Variants in ITGAM observed in about 807,000 individuals in gnomAD.
The protein encoded by ITGAM is integrin subunit alpha M.
Under a neutral mutation model 137.5 loss-of-function variants are expected in ITGAM, and 79 were observed. The observed-to-expected ratio is 0.57, with a 90% confidence interval of 0.48 to 0.69. The LOEUF (loss-of-function observed/expected upper bound fraction) is 0.69, where lower values mean the gene tolerates loss of function less well. ITGAM is among the 30% of genes least tolerant of loss of function. The probability of loss-of-function intolerance (pLI) is 0.00; values close to 1 mark genes in which losing one functional copy is unlikely to be tolerated. For missense variants in ITGAM, 1,343 were observed against 1,483.5 expected (o/e 0.91, Z 1.56); for synonymous variants, 583 against 592.3 (o/e 0.98, Z 0.23).
chr16:31,288,629 A>T (rs2080053709), intron 12 of ITGAM, among the ~76,000 whole-genome samples: 1 of 152,226 alleles, frequency 6.6e-6, no homozygotes, highest in Admixed American at 6.5e-5. Context: ...AAAAGCTTAT[A>T]TGTTAGACCT....
At chr16:31,283,580 A>G (rs971436645) in intron 12 of ITGAM, among the ~76,000 whole-genome samples, 6 of 152,124 alleles carry the variant, frequency 3.9e-5, no homozygotes, top group Non-Finnish European at 8.8e-5. Flanking sequence ...CAGGTCATTT[A>G]AGGTCTTCTC....
At chr16:31,303,015 T>C (rs751834468) in intron 14 of ITGAM, among the ~76,000 whole-genome samples, 15 of 143,852 alleles carry the variant, frequency 1.0e-4, no homozygotes, top group Non-Finnish European at 2.1e-4. Flanking sequence ...TCTCTCTTTC[T>C]TTCTCTCTGT....
At chr16:31,321,749 T>C in intron 16 of ITGAM, 122 bp downstream of exon 16, 1 of 998,376 alleles carries the variant, frequency 1.0e-6, no homozygotes, top group South Asian at 1.6e-5. Context: ...CTGACAACCT[T>C]CTCCAAGCCT....
rs1179355370 is a variant in ITGAM, at chr16:31,302,401, T to TTTCTTTC, written c.1707+4449_1707+4450insCTTTCTT. Among the ~76,000 whole-genome samples the TTTCTTTC allele has an allele frequency of 7.0e-3, 966 of 137,432 alleles. 14 individuals are homozygous for TTTCTTTC. Among genetic ancestry groups the TTTCTTTC allele is most frequent in the African/African-American group, 0.016 (529 of 33,990 alleles). The allele number at this position is 137,432 out of a possible 152,430, so 90.2% of individuals were successfully genotyped here. On this transcript the variant is annotated intron_variant, in intron 14 of 29. Transcript: ENST00000544665. ...TTCTTTTCTTTTCTTTTTTCTTTTC[T>TTTCTTTC]TTTCTTTTTTCTTTCTTTCTTTCTT...
At chr16:31,322,005 C>T (rs991342451) in intron 16 of ITGAM, among the ~76,000 whole-genome samples, 4 of 152,238 alleles carry the variant, frequency 2.6e-5, no homozygotes, top group African/African-American at 9.6e-5. Context: ...CCAGTGACTT[C>T]TTCCCTTGTT....
Position 31,324,688 on chromosome 16 carries a change from GC to G in ITGAM, c.2197del (p.Leu733Ter). 1 of 1,602,396 alleles carries G rather than the reference GC, an allele frequency of 6.2e-7. No homozygotes were observed. The highest frequency in any genetic ancestry group is 8.5e-7 in the Non-Finnish European group (1 of 1,175,080). ...GACCCAGTGAGCCCCATTGTGCTGC[GC>G]CTGAACTTCTCTCTGGTGGGAACGC... is the stretch of plus-strand genomic sequence containing the variant. ...IEDPVSPIVL[R>X]LNFSLVGTPL... On this transcript the variant is annotated frameshift_variant, in exon 18 of 30. Coordinates refer to ENST00000544665, the MANE Select transcript of ITGAM (RefSeq NM_000632.4). LOFTEE classifies it high-confidence loss of function. This position sits in a 1 kb window ranked among gnomAD's most constrained non-coding sequence, Gnocchi z 4.5.
chr16:31,282,148 C>T (rs912636857), intron 12 of ITGAM, among the ~76,000 whole-genome samples: 2 of 152,098 alleles, frequency 1.3e-5, no homozygotes, highest in Non-Finnish European at 2.9e-5. Context: ...ACTATGTGGT[C>T]AATTTTGTAA....
At position 31,273,468 on chromosome 16, in the gene ITGAM, G is replaced by A. The variant is rs2144297485; in HGVS notation, c.808G>A (p.Asp270Asn). 1 of 1,613,814 alleles carries A rather than the reference G, an allele frequency of 6.2e-7. No homozygotes were observed. The highest frequency in any genetic ancestry group is 8.5e-7 in the Non-Finnish European group (1 of 1,179,788). The change falls in exon 8 of 30, where the codon GAT becomes AAT. Residue 270 changes from aspartate to asparagine, a missense_variant. By Grantham distance (23) the Asp-to-Asn change is conservative. Transcript: ENST00000544665. Reference sequence around the variant, plus strand: ...GTTTGGCGATCCCTTGGGATATGAGGATGTCATCCCTGAGGCAGACAGAGA... The same window carrying A: ...GTTTGGCGATCCCTTGGGATATGAGAATGTCATCCCTGAGGCAGACAGAGA... Reference protein sequence around the residue: ...EKFGDPLGYEDVIPEADREGV... With the variant: ...EKFGDPLGYENVIPEADREGV...
At chr16:31,319,176 G>A (rs1036609332) in intron 14 of ITGAM, among the ~76,000 whole-genome samples, 6 of 151,768 alleles carry the variant, frequency 4.0e-5, no homozygotes, top group Admixed American at 3.3e-4. Context: ...TGTATATTCT[G>A]CAGTAGTTGG....
At chr16:31,328,015 G>T in intron 22 of ITGAM, 132 bp from the exon 23 acceptor site, 2 of 720,674 alleles carry the variant, frequency 2.8e-6, no homozygotes, top group East Asian at 2.6e-5. Context: ...AGGGGTTGGA[G>T]AACAGTGGGG....
chr16:31,291,880 T>C (rs9940397), intron 12 of ITGAM, among the ~76,000 whole-genome samples: 21,585 of 151,908 alleles, frequency 0.14, 1,701 homozygotes, highest in South Asian at 0.2. Context: ...GGTAGCACAG[T>C]AGGGTGACTA....
intron 5 of ITGAM, among the ~76,000 whole-genome samples, chr16:31,270,167 C>CCTTTCCTTTCCTT (rs2079816528): frequency 7.7e-5 from 3 of 38,844 alleles, no homozygotes; most frequent in African/African-American, 2.1e-4. Context: ...CCTTTCCTTT[C>CCTTTCCTTTCCTT]CTTTCCTTTC....
At chr16:31,310,013 G>C (rs2080308093) in intron 14 of ITGAM, among the ~76,000 whole-genome samples, 1 of 150,946 alleles carries the variant, frequency 6.6e-6, no homozygotes, top group South Asian at 2.1e-4. Context: ...AGTTTCTGCT[G>C]AGAGAGAAAG....
chr16:31,317,831 A>AT (rs2080408029), intron 14 of ITGAM, among the ~76,000 whole-genome samples: 1 of 151,960 alleles, frequency 6.6e-6, no homozygotes, highest in African/African-American at 2.4e-5. Context: ...TTTATTTAGG[A>AT]TTTTGGATCT....
Position 31,325,562 on chromosome 16 carries a change from TGG to T in ITGAM, c.2571_2572del (p.Ala858LeufsTer22), listed in dbSNP as rs1332194450. On this transcript the variant is annotated frameshift_variant, in exon 21 of 30. Coordinates refer to ENST00000544665, the MANE Select transcript of ITGAM (RefSeq NM_000632.4). LOFTEE classifies it high-confidence loss of function. ...CESASSTEVS[G>X]ALKSTSCSIN... Reference sequence around the variant, plus strand: ...AGTCTGCCTCCTCCACCGAAGTGTCTGGGGCCTTGAAGAGCACCAGCTGCAGC... The same window carrying T: ...AGTCTGCCTCCTCCACCGAAGTGTCTGGCCTTGAAGAGCACCAGCTGCAGC... The T allele has an allele frequency of 3.1e-6, 5 of 1,613,964 alleles. No individual in the cohort carries two copies. Among genetic ancestry groups the T allele is most frequent in the Non-Finnish European group, 4.2e-6 (5 of 1,179,882 alleles).
intron 5 of ITGAM, among the ~76,000 whole-genome samples, chr16:31,267,721 C>T (rs1164728813): frequency 6.6e-6 from 1 of 151,964 alleles, no homozygotes; most frequent in Non-Finnish European, 1.5e-5. Flanking sequence ...GGCACAATCT[C>T]GGCTCACTGC....
At chr16:31,276,875 GT>G in intron 10 of ITGAM, 44 bp from the exon 11 acceptor site, 1 of 1,597,404 alleles carries the variant, frequency 6.3e-7, no homozygotes, top group Non-Finnish European at 8.5e-7. Context: ...GGCAGCGGTT[GT>G]CCCTTCTTCC....
In ITGAM at chr16:31,271,916, A is replaced by G. The variant is rs773912072; in HGVS notation, c.628A>G (p.Asn210Asp). Reference protein sequence around the residue: ...FTFKEFQNNPNPRSLVKPITQ... With the variant: ...FTFKEFQNNPDPRSLVKPITQ... Reference sequence around the variant, plus strand: ...CTTCAAAGAGTTCCAGAACAACCCTAACCCAAGATCACTGGTGAAGCCAAT... The same window carrying G: ...CTTCAAAGAGTTCCAGAACAACCCTGACCCAAGATCACTGGTGAAGCCAAT... The change falls in exon 7 of 30, where the codon AAC becomes GAC. Residue 210 changes from asparagine (N) to aspartate (D), a missense_variant. Transcript: ENST00000544665. 3.7e-6 allele frequency: 6 copies of G among 1,613,888 alleles called. No homozygotes were observed. In the African/African-American group the frequency reaches 4.0e-5, roughly 11 times the overall value.
At chr16:31,309,939 T>G (rs1310214292) in intron 14 of ITGAM, among the ~76,000 whole-genome samples, 1 of 152,062 alleles carries the variant, frequency 6.6e-6, no homozygotes, top group Admixed American at 6.6e-5. Context: ...TATGAAATTC[T>G]GGGTTGAAAA....
Sources: allele counts gnomAD v4.1 joint callset (sites outside exome capture counted in the v4.1 genomes callset), GRCh38; gene constraint gnomAD v4.1.1; non-coding constraint Gnocchi (gnomAD v3.1); transcripts MANE v1.5; gene names NCBI Gene and HGNC (gene_info 2026-07-23, HGNC 2026-07-21).